COBLL1: variants seen among roughly 807,000 people sequenced by gnomAD.
The protein encoded by COBLL1 is cordon-bleu protein-like 1.
In COBLL1, 50 loss-of-function variants were observed where a neutral mutation model predicts 94.8. The ratio of observed to expected loss-of-function variants is 0.53; its 90% CI spans 0.42 to 0.67. The LOEUF is 0.67. Ranked by LOEUF, COBLL1 falls within the 30% of genes least tolerant of loss-of-function variation. The pLI is 0.00. For synonymous variants in COBLL1, 448 were observed against 473.8 expected, an observed-to-expected ratio of 0.95 and a Z score of 0.71; for missense variants, 1,362 against 1,348.7, an observed-to-expected ratio of 1.01 and a Z score of -0.15.
In COBLL1 at chr2:164,729,939, T is replaced by C; in HGVS notation, c.407A>G (p.Lys136Arg). Residue 136 changes from lysine to arginine, a missense_variant, in exon 4 of 14, where the codon AAA (lysine) becomes AGA (arginine). Physicochemically the swap from Lys to Arg is conservative, Grantham distance 26. Transcript: ENST00000652658. ...VILKPKMLDK[K>R]KPTPIIPEKT... is the part of the protein sequence containing the mutation. ...CTCTGGTATTATAGGTGTAGGTTTT[T>C]TCTTATCCAACATTTTTGGCTTTAA... 1 of 1,613,826 alleles carries C rather than the reference T, an allele frequency of 6.2e-7. No homozygotes were observed. Among genetic ancestry groups the C allele is most frequent in the Non-Finnish European group, 8.5e-7 (1 of 1,179,872 alleles).
chr2:164,830,071 C>T (rs1054637804), intron 2 of COBLL1, among the ~76,000 whole-genome samples: 10 of 152,310 alleles, frequency 6.6e-5, no homozygotes, highest in East Asian at 1.9e-4. Context: ...TAAGCAGAGA[C>T]GAGTTCCTCA....
chr2:164,718,831 C>G (rs532568601), intron 7 of COBLL1, among the ~76,000 whole-genome samples: 1 of 152,220 alleles, frequency 6.6e-6, no homozygotes, highest in African/African-American at 2.4e-5. Flanking sequence ...CCATTCCATT[C>G]TGAAAAGATA....
At chr2:164,698,121 G>C (rs1392516513) in intron 11 of COBLL1, 2 of 151,944 alleles carry the variant, frequency 1.3e-5, no homozygotes, top group Non-Finnish European at 2.9e-5. Flanking sequence ...GCACTAACTT[G>C]ACAACAAAAG....
intron 2 of COBLL1, among the ~76,000 whole-genome samples, chr2:164,839,503 T>C (rs1278631272): frequency 6.6e-6 from 1 of 152,248 alleles, no homozygotes; most frequent in Admixed American, 6.5e-5. Flanking sequence ...AGTGTTCTTC[T>C]GTTTCTTCAA....
chr2:164,798,755 C>T (rs1683605225), intron 2 of COBLL1, among the ~76,000 whole-genome samples: 1 of 152,112 alleles, frequency 6.6e-6, no homozygotes, highest in South Asian at 2.1e-4. Context: ...GGCAGTGGCT[C>T]ACGCCTGTAA....
chr2:164,699,448 G>A lies in COBLL1; in HGVS notation c.1512C>T (p.Asp504=), dbSNP rs1558931734. ...CCAACGACTTCAAGTTTCTTATACT[G>A]TCAACTACCTTCTTTCCATTGCTTG... ...YDTSNGKKVV[D]SIRNLKSLGP... The change falls in exon 11 of 14, where the codon GAC becomes GAT. Residue 504 remains aspartate (D), a synonymous_variant. Coordinates refer to ENST00000652658, the MANE Select transcript of COBLL1 (RefSeq NM_001365672.2). 1.2e-6 allele frequency: 2 copies of A among 1,612,406 alleles called. No individual in the cohort carries two copies. The highest frequency in any genetic ancestry group is 8.5e-7 in the Non-Finnish European group (1 of 1,178,628).
rs1684718967 is a variant in COBLL1 at position 164,708,450 on chromosome 2, G to A, written c.997-3345C>T. Among the ~76,000 whole-genome samples the A allele has an allele frequency of 3.3e-5, 5 of 152,242 alleles. No individual in the cohort carries two copies. The South Asian group carries it at 1.0e-3, about 32-fold the overall frequency. ...TAAGAAAGAAGTGCACCAAGGAGTT[G>A]CCAGTATTTAAATATTGTTTTGAAT... On this transcript the variant is annotated intron_variant, in intron 7 of 13. Coordinates refer to ENST00000652658, the MANE Select transcript of COBLL1 (RefSeq NM_001365672.2).
chr2:164,722,726 C>A, intron 5 of COBLL1: 1 of 299,988 alleles, frequency 3.3e-6, no homozygotes, highest in Non-Finnish European at 6.1e-6. Flanking sequence ...GAAACTGAAG[C>A]TTAAAAAACT....
At chr2:164,756,675 CA>C (rs1687425368) in intron 2 of COBLL1, among the ~76,000 whole-genome samples, 1 of 151,782 alleles carries the variant, frequency 6.6e-6, no homozygotes, top group African/African-American at 2.4e-5. Flanking sequence ...AGGGAGAAAA[CA>C]AAAATATCTA....
Position 164,809,906 on chromosome 2 carries a change from T to C in COBLL1, c.41+31250A>G, listed in dbSNP as rs1364089930. ...ACAATTCTGGTAATTATTTAAACTG[T>C]TTAGTAACAATTTTAACAAAAAAGC... is the stretch of plus-strand genomic sequence containing the variant. On this transcript the variant is annotated intron_variant, in intron 2 of 13. Coordinates refer to ENST00000652658, the MANE Select transcript of COBLL1 (RefSeq NM_001365672.2). 9.1e-5 allele frequency among the ~76,000 whole-genome samples: 13 copies of C among 143,164 alleles called. No individual in the cohort carries two copies. The Admixed American group carries it at 9.5e-4, about 10-fold the overall frequency. The allele number at this position is 143,164 out of a possible 152,430, so 93.9% of individuals were successfully genotyped here. A position where few individuals can be genotyped will look rare whatever the true frequency, so the allele number is the denominator to read the frequency against.
intron 2 of COBLL1, among the ~76,000 whole-genome samples, chr2:164,825,468 A>G (rs564996051): frequency 6.6e-5 from 10 of 152,284 alleles, no homozygotes; most frequent in Admixed American, 2.0e-4. Context: ...TTATGTTGAG[A>G]TTTTGATAGC....
rs755485668 is a variant in COBLL1 at position 164,685,995 on chromosome 2, C to A, written c.3338G>T (p.Arg1113Met). The change falls in exon 14 of 14, where the codon AGG (arginine) becomes ATG (methionine). Residue 1113 changes from arginine (R) to methionine (M), a missense_variant. Arg to Met is a moderately conservative substitution (Grantham distance 91). Transcript: ENST00000652658. Reference sequence around the variant, plus strand: ...GGACATGGAATGGCTGAGTCTTGACCTTCCATTCACAGATATTGTATTTGA... The same window carrying A: ...GGACATGGAATGGCTGAGTCTTGACATTCCATTCACAGATATTGTATTTGA... ...IPSNTISVNG[R>M]SRLSHSMSPD... The A allele has an allele frequency of 1.2e-6, 2 of 1,607,894 alleles. No individual in the cohort carries two copies. Among genetic ancestry groups the A allele is most frequent in the South Asian group, 2.2e-5 (2 of 90,634 alleles).
chr2:164,687,084 C>T (rs540370874), intron 13 of COBLL1, among the ~76,000 whole-genome samples: 1 of 152,304 alleles, frequency 6.6e-6, no homozygotes. Flanking sequence ...ATTGACGCTA[C>T]ACACCTAAAA....
rs774107737 is a variant in COBLL1, at chr2:164,728,072, A to G, written c.558T>C (p.His186=). 3 of 1,613,662 alleles carry G rather than the reference A, an allele frequency of 1.9e-6. No homozygotes were observed. Among genetic ancestry groups the G allele is most frequent in the Non-Finnish European group, 2.5e-6 (3 of 1,179,716 alleles). ...ATTGATAATCTTTCAACAATAGTGT[A>G]TGCAACGGATCAAACTCACATTTGC... is the stretch of plus-strand genomic sequence containing the variant. The part of the protein sequence containing the change: ...ICSKCEFDPL[H]TLLLKDYQSQ... The change falls in exon 5 of 14, where the codon CAT becomes CAC. Residue 186 remains histidine, a synonymous_variant. Transcript: ENST00000652658.
intron 5 of COBLL1, chr2:164,723,289 T>G (rs886867343): frequency 2.6e-5 from 4 of 152,196 alleles, no homozygotes; most frequent in African/African-American, 9.7e-5. Flanking sequence ...CAAGGTTGTA[T>G]ACATAATATT....
chr2:164,753,739 A>ATTT (rs71393637), intron 2 of COBLL1, among the ~76,000 whole-genome samples: 13 of 138,612 alleles, frequency 9.4e-5, no homozygotes, highest in South Asian at 2.3e-4. Flanking sequence ...GAGTATGGGA[A>ATTT]TTTTTTTTTT....
At chr2:164,701,291 G>C (rs1456320172) in intron 9 of COBLL1, among the ~76,000 whole-genome samples, 1 of 152,086 alleles carries the variant, frequency 6.6e-6, no homozygotes. Flanking sequence ...CTGAAGGGTG[G>C]GGCAAGGGAT....
chr2:164,736,047 AG>A (rs1686288995), intron 3 of COBLL1, among the ~76,000 whole-genome samples: 1 of 152,022 alleles, frequency 6.6e-6, no homozygotes, highest in South Asian at 2.1e-4. Flanking sequence ...AATTTTCTAG[AG>A]GGCTGATTTT....
At chr2:164,798,233 G>A (rs1198233516) in intron 2 of COBLL1, among the ~76,000 whole-genome samples, 1 of 152,126 alleles carries the variant, frequency 6.6e-6, no homozygotes, top group Non-Finnish European at 1.5e-5. Context: ...TAAAATATCT[G>A]CCTTCACATC....
Sources: gnomAD v4.1 joint callset for allele counts (sites outside exome capture counted in the v4.1 genomes callset) on GRCh38, gnomAD v4.1.1 for gene constraint, MANE v1.5 for transcripts, NCBI Gene and HGNC (gene_info 2026-07-23, HGNC 2026-07-21) for gene names.